The following WWC1 variants were observed in gnomAD, a reference collection of about 807,000 sequenced individuals.
WWC1 encodes the protein protein KIBRA.
Under a neutral mutation model 138.4 loss-of-function variants are expected in WWC1, and 55 were observed. That is an observed-to-expected ratio of 0.40 (90% confidence interval 0.32 to 0.50). The LOEUF (loss-of-function observed/expected upper bound fraction) is 0.50. WWC1 is among the 20% of genes least tolerant of loss of function. The pLI is 0.72. For synonymous variants in WWC1, 524 were observed against 564.9 expected (o/e 0.93, Z 1.03); for missense variants, 1,226 against 1,420.4 (o/e 0.86, Z 2.20).
At chr5:168,370,088 A>T (rs1210046570) in intron 1 of WWC1, among the ~76,000 whole-genome samples, 2 of 17,922 alleles carry the variant, frequency 1.1e-4, no homozygotes, top group Admixed American at 7.2e-4. Flanking sequence ...TTTAGTAGAG[A>T]GAGTTTCACC....
chr5:168,388,299 T>TA (rs1175987076), intron 3 of WWC1, among the ~76,000 whole-genome samples: 1 of 151,742 alleles, frequency 6.6e-6, no homozygotes, highest in Non-Finnish European at 1.5e-5. Flanking sequence ...GTTTTTTTTT[T>TA]AAAGCCTAAA....
At chr5:168,344,573 T>A (rs1774317549) in intron 1 of WWC1, among the ~76,000 whole-genome samples, 1 of 152,222 alleles carries the variant, frequency 6.6e-6, no homozygotes. Context: ...CTGAACTAAC[T>A]CATGGAGTTC....
At chr5:168,311,392 T>C (rs35397127) in intron 1 of WWC1, among the ~76,000 whole-genome samples, 50,469 of 151,494 alleles carry the variant, frequency 0.33, 8,995 homozygotes, top group Admixed American at 0.41. Flanking sequence ...AACAGGGAGG[T>C]GTGAGGAACC....
At chr5:168,389,628 T>TTTTTG (rs1778335137) in intron 3 of WWC1, among the ~76,000 whole-genome samples, 1 of 144,674 alleles carries the variant, frequency 6.9e-6, no homozygotes, top group African/African-American at 2.6e-5. Context: ...TGTTAATTTT[T>TTTTTG]AAATTCTTGG....
intron 17 of WWC1, among the ~76,000 whole-genome samples, chr5:168,451,954 G>A (rs1352312683): frequency 2.9e-5 from 4 of 139,548 alleles, no homozygotes; most frequent in African/African-American, 1.1e-4. Flanking sequence ...CACCCAGGCT[G>A]TAGTGCAGTG....
At chr5:168,375,409 C>G (rs1408073672) in intron 2 of WWC1, among the ~76,000 whole-genome samples, 1 of 152,114 alleles carries the variant, frequency 6.6e-6, no homozygotes, top group Non-Finnish European at 1.5e-5. Flanking sequence ...CAAAGAGGAC[C>G]AAGGATAAAC....
chr5:168,363,524 C>CAAAAAAAAAAAAAAAAAAAAAAAAA lies in WWC1; in HGVS notation c.120-7877_120-7876insAAAAAAAAAAAAAAAAAAAAAAAAA, dbSNP rs386405611. ...TGGGTGACAGAGCCAGACTCTGTCTCAAAAAAAAAAAAAAAAAAAAAAAGA... is the reference window on the plus strand; with the variant it reads ...TGGGTGACAGAGCCAGACTCTGTCTCAAAAAAAAAAAAAAAAAAAAAAAAAAAAAAAAAAAAAAAAAAAAAAAAGA... On this transcript the variant is annotated intron_variant, in intron 1 of 22. Coordinates refer to ENST00000265293, the MANE Select transcript of WWC1 (RefSeq NM_015238.3). Among the ~76,000 whole-genome samples the CAAAAAAAAAAAAAAAAAAAAAAAAA allele has an allele frequency of 3.0e-5, 2 of 65,784 alleles. 1 individual carries two copies. The allele number at this position is 65,784 out of a possible 152,430, so 43.2% of individuals were successfully genotyped here.
intron 8 of WWC1, chr5:168,412,262 T>C (rs1015642628): frequency 6.0e-5 from 55 of 916,634 alleles, no homozygotes; most frequent in Non-Finnish European, 7.2e-5. Context: ...AAGCTCATTT[T>C]AGTGTAAAGG....
chr5:168,400,168 C>T (rs1040862873), intron 5 of WWC1, among the ~76,000 whole-genome samples: 6 of 152,080 alleles, frequency 3.9e-5, no homozygotes, highest in Non-Finnish European at 1.5e-5. Flanking sequence ...GTTGTGTCTT[C>T]TTCTTCTTCT....
chr5:168,364,543 C>T (rs1776137206), intron 1 of WWC1, among the ~76,000 whole-genome samples: 1 of 152,248 alleles, frequency 6.6e-6, no homozygotes, highest in Admixed American at 6.5e-5. Flanking sequence ...CGGCCAGACC[C>T]TCTGCCCCTG....
In WWC1 at chr5:168,454,162, G is replaced by A. The variant is rs1561790135; in HGVS notation, c.2658+62G>A. 22 of 1,577,150 alleles carry A rather than the reference G, an allele frequency of 1.4e-5. No homozygotes were observed. The Admixed American group carries it at 2.1e-4, about 15-fold the overall frequency. ...GGAAGGAACCTTCAATCCTTGTGCC[G>A]AGGCAGTCAGAAAAGACTCAGAGCT... On this transcript the variant is annotated intron_variant, in intron 18 of 22. Transcript: ENST00000265293.
At chr5:168,420,567 A>AC (rs956603920) in intron 9 of WWC1, among the ~76,000 whole-genome samples, 10 of 150,886 alleles carry the variant, frequency 6.6e-5, no homozygotes, top group Admixed American at 2.0e-4. Context: ...TCTGATAGGG[A>AC]CCCCCCCGCC....
chr5:168,451,788 G>A (rs1302738008), intron 17 of WWC1, among the ~76,000 whole-genome samples: 1 of 151,998 alleles, frequency 6.6e-6, no homozygotes, highest in Admixed American at 6.6e-5. Flanking sequence ...GTAGTAGAGT[G>A]ACTAACTATA....
At chr5:168,339,905 CTT>C (rs869219154) in intron 1 of WWC1, among the ~76,000 whole-genome samples, 10 of 81,550 alleles carry the variant, frequency 1.2e-4, no homozygotes, top group Non-Finnish European at 2.2e-4. Context: ...GTCTCTCTCT[CTT>C]TCTCTCTCTC....
intron 20 of WWC1, 22 bp from the exon 21 acceptor site, chr5:168,464,702 CAAGAG>C: frequency 6.2e-7 from 1 of 1,613,664 alleles, no homozygotes; most frequent in Non-Finnish European, 8.5e-7. Context: ...GCTCTAATAA[CAAGAG>C]AAGCCGTCCC....
intron 21 of WWC1, among the ~76,000 whole-genome samples, chr5:168,466,865 T>C (rs942639008): frequency 6.6e-6 from 1 of 151,840 alleles, no homozygotes; most frequent in Non-Finnish European, 1.5e-5. Flanking sequence ...TGAGAAGTAA[T>C]ATGTGCCCTG....
At chr5:168,405,576 C>T (rs904626334) in intron 5 of WWC1, among the ~76,000 whole-genome samples, 11 of 152,144 alleles carry the variant, frequency 7.2e-5, no homozygotes, top group Non-Finnish European at 1.3e-4. Flanking sequence ...CTACCCAGCC[C>T]GGAGGACCCA....
chr5:168,295,993 G>A (rs570001210), intron 1 of WWC1, among the ~76,000 whole-genome samples: 5 of 152,220 alleles, frequency 3.3e-5, no homozygotes, highest in African/African-American at 1.2e-4. Context: ...CAGGCCCTTC[G>A]GGAATCAGGT....
At chr5:168,349,908 C>G (rs940406110) in intron 1 of WWC1, among the ~76,000 whole-genome samples, 1 of 152,210 alleles carries the variant, frequency 6.6e-6, no homozygotes, top group African/African-American at 2.4e-5. Context: ...CACCTTTCAC[C>G]TAGCAAGAAG....
Sources: gnomAD v4.1 joint callset for allele counts (sites outside exome capture counted in the v4.1 genomes callset) on GRCh38, gnomAD v4.1.1 for gene constraint, MANE v1.5 for transcripts, NCBI Gene and HGNC (gene_info 2026-07-23, HGNC 2026-07-21) for gene names.